FSTL5: variants seen among roughly 807,000 people sequenced by gnomAD.
FSTL5 encodes follistatin-related protein 5.
A neutral mutation model predicts 89.1 loss-of-function variants in FSTL5; 62 were observed. The observed-to-expected ratio is 0.70, with a 90% confidence interval of 0.57 to 0.86. The LOEUF is 0.86. FSTL5 is among the 40% of genes least tolerant of loss of function. The pLI, the probability that FSTL5 is intolerant of heterozygous loss-of-function variation, is 0.00. For missense variants in FSTL5, 1,057 were observed against 1,001.6 expected, an observed-to-expected ratio of 1.06 and a Z score of -0.75; for synonymous variants, 383 against 346.2, an observed-to-expected ratio of 1.11 and a Z score of -1.18.
At chr4:161,670,911 A>C (rs977140493) in intron 6 of FSTL5, among the ~76,000 whole-genome samples, 1 of 152,196 alleles carries the variant, frequency 6.6e-6, no homozygotes, top group Non-Finnish European at 1.5e-5. Context: ...CAATTTATTC[A>C]TTTACAATGG....
rs906242336 is a variant in FSTL5, at chr4:161,559,887, C to T, written c.1016-17194G>A. Among the ~76,000 whole-genome samples, 6 of 151,918 alleles carry T rather than the reference C, an allele frequency of 3.9e-5. No individual in the cohort carries two copies. The East Asian group carries it at 1.2e-3, about 30-fold the overall frequency. ...AAGCTATATGGTATAGCCAATATAG[C>T]TCCCAGGCCACAAACCTGTGCAGTA... On this transcript the variant is annotated intron_variant, in intron 8 of 15. Coordinates refer to ENST00000306100, the MANE Select transcript of FSTL5 (RefSeq NM_020116.5).
intron 2 of FSTL5, among the ~76,000 whole-genome samples, chr4:162,034,235 C>T (rs1439630085): frequency 6.6e-6 from 1 of 152,068 alleles, no homozygotes; most frequent in Non-Finnish European, 1.5e-5. Flanking sequence ...AATCATGCCT[C>T]TCAAATGCCT....
intron 5 of FSTL5, among the ~76,000 whole-genome samples, chr4:161,768,716 C>T (rs1741105138): frequency 6.6e-6 from 1 of 151,422 alleles, no homozygotes; most frequent in Non-Finnish European, 1.5e-5. Flanking sequence ...GCAACAGCGC[C>T]TACATCAAAA....
intron 4 of FSTL5, among the ~76,000 whole-genome samples, chr4:161,793,734 G>A (rs1729546752): frequency 6.6e-6 from 1 of 151,850 alleles, no homozygotes; most frequent in Non-Finnish European, 1.5e-5. Context: ...TCAGCTCCCA[G>A]AGTAGCTGGG....
intron 4 of FSTL5, among the ~76,000 whole-genome samples, chr4:161,876,576 T>C (rs1732449611): frequency 6.6e-6 from 1 of 152,118 alleles, no homozygotes; most frequent in South Asian, 2.1e-4. Flanking sequence ...ACTTGTGTTT[T>C]AAAAAACGAG....
At chr4:162,004,329 C>T (rs532022560) in intron 3 of FSTL5, among the ~76,000 whole-genome samples, 10 of 152,332 alleles carry the variant, frequency 6.6e-5, no homozygotes, top group African/African-American at 2.4e-4. Context: ...CAATCCATTA[C>T]TAGGTCCCAT....
chr4:161,402,887 T>C (rs1261546828), intron 15 of FSTL5, among the ~76,000 whole-genome samples: 1 of 151,770 alleles, frequency 6.6e-6, no homozygotes, highest in African/African-American at 2.4e-5. Context: ...AGTGGCATGA[T>C]CTTGGCTCAC....
At chr4:162,128,801 TTAAA>T (rs764525420) in intron 1 of FSTL5, among the ~76,000 whole-genome samples, 3 of 152,172 alleles carry the variant, frequency 2.0e-5, no homozygotes, top group African/African-American at 4.8e-5. Flanking sequence ...TGTTTGCAAA[TTAAA>T]TATTTTTCTT....
intron 6 of FSTL5, among the ~76,000 whole-genome samples, chr4:161,750,769 T>C (rs1378424520): frequency 6.6e-6 from 1 of 152,156 alleles, no homozygotes; most frequent in Non-Finnish European, 1.5e-5. Flanking sequence ...AACATAATCC[T>C]TAGGCAAATC....
chr4:161,767,632 T>C (rs748740876), intron 5 of FSTL5, among the ~76,000 whole-genome samples: 4 of 152,102 alleles, frequency 2.6e-5, no homozygotes, highest in Non-Finnish European at 5.9e-5. Context: ...CCTGTTTATA[T>C]TTTAAAGGGA....
chr4:161,513,318 A>G (rs990359892), intron 10 of FSTL5, among the ~76,000 whole-genome samples: 1 of 127,930 alleles, frequency 7.8e-6, no homozygotes, highest in African/African-American at 2.9e-5. Flanking sequence ...AGACAGAGGA[A>G]GAGGAGGAGG....
At chr4:161,686,305 C>CATATATAT (rs60120837) in intron 6 of FSTL5, among the ~76,000 whole-genome samples, 14 of 25,978 alleles carry the variant, frequency 5.4e-4, no homozygotes, top group African/African-American at 1.9e-3. Flanking sequence ...TCTCCTTTGC[C>CATATATAT]ATATATATAT....
At chr4:161,570,502 T>C (rs1392030119) in intron 8 of FSTL5, among the ~76,000 whole-genome samples, 1 of 152,126 alleles carries the variant, frequency 6.6e-6, no homozygotes, top group East Asian at 1.9e-4. Flanking sequence ...TACGGTTATT[T>C]AGGGGATTCA....
intron 6 of FSTL5, among the ~76,000 whole-genome samples, chr4:161,722,451 T>C (rs1739249614): frequency 6.6e-6 from 1 of 152,178 alleles, no homozygotes; most frequent in Non-Finnish European, 1.5e-5. Flanking sequence ...TTTTTTCTCC[T>C]ACTTTACAGA....
chr4:161,685,088 T>C (rs1737667558), intron 6 of FSTL5, among the ~76,000 whole-genome samples: 1 of 152,332 alleles, frequency 6.6e-6, no homozygotes, highest in Middle Eastern at 3.4e-3. Flanking sequence ...GGGTTCTTTA[T>C]TCTGTTCCAT....
At chr4:161,468,016 A>T (rs1733805101) in intron 13 of FSTL5, among the ~76,000 whole-genome samples, 1 of 152,124 alleles carries the variant, frequency 6.6e-6, no homozygotes, top group Admixed American at 6.5e-5. Context: ...TACTCAGGAG[A>T]TCACTAAATT....
At chr4:161,495,884 C>T (rs532071842) in intron 12 of FSTL5, among the ~76,000 whole-genome samples, 1 of 152,238 alleles carries the variant, frequency 6.6e-6, no homozygotes, top group African/African-American at 2.4e-5. Context: ...AAATGAAACA[C>T]ATTAGCGTTT....
chr4:161,837,174 G>T (rs1367346890), intron 4 of FSTL5, among the ~76,000 whole-genome samples: 1 of 152,108 alleles, frequency 6.6e-6, no homozygotes, highest in East Asian at 1.9e-4. Context: ...CAGAAGTGAA[G>T]TTGAGGTCAT....
intron 15 of FSTL5, among the ~76,000 whole-genome samples, chr4:161,449,390 T>C (rs1232452955): frequency 6.6e-6 from 1 of 152,078 alleles, no homozygotes; most frequent in East Asian, 1.9e-4. Context: ...ACTCAAAAAA[T>C]GAGAAAAGTG....
Sources: allele counts gnomAD v4.1 joint callset (sites outside exome capture counted in the v4.1 genomes callset), GRCh38; gene constraint gnomAD v4.1.1; transcripts MANE v1.5; gene names NCBI Gene and HGNC (gene_info 2026-07-23, HGNC 2026-07-21).